Variants in ECHDC1 observed in about 807,000 individuals in gnomAD.
ECHDC1 encodes ethylmalonyl-CoA decarboxylase 1.
Under a neutral mutation model 29.7 loss-of-function variants are expected in ECHDC1, and 29 were observed. The observed-to-expected ratio is 0.98, with a 90% CI of 0.73 to 1.33. ECHDC1 has a LOEUF of 1.33. Ranked by LOEUF, ECHDC1 falls within the 40% of genes most tolerant of loss-of-function variation. ECHDC1 has a pLI of 0.00. For synonymous variants in ECHDC1, 126 were observed against 123.1 expected (o/e 1.02, Z -0.15); for missense variants, 328 against 350.0 (o/e 0.94, Z 0.50).
chr6:127,316,087 T>G (rs568833027), intron 4 of ECHDC1: 6 of 471,776 alleles, frequency 1.3e-5, no homozygotes, highest in Admixed American at 7.0e-5. Context: ...TTCTACTAAT[T>G]TGGAATATTA....
intron 3 of ECHDC1, among the ~76,000 whole-genome samples, chr6:127,322,108 C>A (rs956233860): frequency 6.6e-6 from 1 of 152,060 alleles, no homozygotes; most frequent in Non-Finnish European, 1.5e-5. Context: ...GAGTTTGAGA[C>A]CAGCCTGACC....
chr6:127,328,564 C>T (rs1011687968), intron 2 of ECHDC1, among the ~76,000 whole-genome samples: 3 of 152,200 alleles, frequency 2.0e-5, no homozygotes, highest in Non-Finnish European at 4.4e-5. Context: ...AATGACTGCA[C>T]TTAAAACTGT....
intron 5 of ECHDC1, chr6:127,313,611 A>G (rs1306962842): frequency 2.2e-6 from 1 of 455,984 alleles, no homozygotes; most frequent in East Asian, 6.9e-5. Context: ...AAAGTTTACT[A>G]GAAGTCTTCT....
At chr6:127,326,779 T>C in intron 3 of ECHDC1, 1 of 482,960 alleles carries the variant, frequency 2.1e-6, no homozygotes, top group Non-Finnish European at 3.7e-6. Context: ...TCAAAGCTTT[T>C]AACAAGAGCC....
intron 5 of ECHDC1, among the ~76,000 whole-genome samples, chr6:127,296,765 A>T (rs1168616732): frequency 6.6e-6 from 1 of 152,142 alleles, no homozygotes; most frequent in African/African-American, 2.4e-5. Flanking sequence ...CAATCCCAGC[A>T]CTTTGGGAGG....
chr6:127,297,988 T>C (rs1319338468), intron 5 of ECHDC1, among the ~76,000 whole-genome samples: 2 of 152,034 alleles, frequency 1.3e-5, no homozygotes, highest in Admixed American at 1.3e-4. Flanking sequence ...AACGAGACCA[T>C]TCACCCCAGA....
chr6:127,314,752 G>T, intron 5 of ECHDC1, 64 bp downstream of exon 5: 1 of 1,304,090 alleles, frequency 7.7e-7, no homozygotes, highest in Non-Finnish European at 1.1e-6. Context: ...TGATATTAAG[G>T]CAAAAATGAA....
At chr6:127,318,765 A>C (rs959362762) in intron 3 of ECHDC1, among the ~76,000 whole-genome samples, 1 of 152,234 alleles carries the variant, frequency 6.6e-6, no homozygotes, top group Non-Finnish European at 1.5e-5. Flanking sequence ...TAAAAAAATT[A>C]GATGAATTTT....
chr6:127,331,300 C>T (rs1783922150), intron 1 of ECHDC1, among the ~76,000 whole-genome samples: 1 of 152,054 alleles, frequency 6.6e-6, no homozygotes. Flanking sequence ...CACCCATGAC[C>T]ACGCCTGGCT....
intron 3 of ECHDC1, chr6:127,318,039 T>C (rs184797652): frequency 6.6e-6 from 1 of 152,320 alleles, no homozygotes; most frequent in East Asian, 1.9e-4. Flanking sequence ...TAATCTTCCA[T>C]CCTGCTACCT....
chr6:127,324,035 C>T (rs1783078239), intron 3 of ECHDC1, among the ~76,000 whole-genome samples: 1 of 152,118 alleles, frequency 6.6e-6, no homozygotes, highest in Non-Finnish European at 1.5e-5. Flanking sequence ...TGCTAAAGAG[C>T]TTCCACTTAA....
chr6:127,306,505 T>A (rs1209615454), intron 5 of ECHDC1, among the ~76,000 whole-genome samples: 2 of 152,174 alleles, frequency 1.3e-5, no homozygotes, highest in Non-Finnish European at 2.9e-5. Flanking sequence ...TGATAGTGAA[T>A]GAGTTCTCAT....
intron 3 of ECHDC1, among the ~76,000 whole-genome samples, chr6:127,320,005 G>A (rs183312572): frequency 6.6e-6 from 1 of 152,202 alleles, no homozygotes; most frequent in East Asian, 1.9e-4. Context: ...ATACATGGAA[G>A]AGCTTAGAGA....
intron 1 of ECHDC1, among the ~76,000 whole-genome samples, chr6:127,339,300 G>A (rs1784710078): frequency 6.7e-6 from 1 of 149,086 alleles, no homozygotes; most frequent in South Asian, 2.2e-4. Context: ...ATAAGCTGTA[G>A]CATTTTAGGG....
intron 5 of ECHDC1, among the ~76,000 whole-genome samples, chr6:127,314,106 A>G (rs775932656): frequency 2.0e-5 from 3 of 152,198 alleles, no homozygotes; most frequent in Non-Finnish European, 2.9e-5. Context: ...TGCATTATAA[A>G]GAGGCTCCAG....
rs929464610 is a variant in ECHDC1 at position 127,289,169 on chromosome 6, C to T, written c.*700G>A. On this transcript the variant is annotated 3_prime_UTR_variant, in exon 6 of 6. Coordinates refer to ENST00000454859, the MANE Select transcript of ECHDC1 (RefSeq NM_001002030.2). ...AGTCCCTTCAAGTGGTTTAAAACTA[C>T]ATCAACAGTAGTTGTTTATTACTAG... is the stretch of plus-strand genomic sequence containing the variant. 2.0e-4 allele frequency: 30 copies of T among 152,044 alleles called. No homozygotes were observed. Among genetic ancestry groups the T allele is most frequent in the African/African-American group, 7.0e-4 (29 of 41,420 alleles). The allele number at this position is 152,044 out of a possible 1,614,324, so 9.4% of individuals were successfully genotyped here.
chr6:127,322,254 C>T (rs1049514858), intron 3 of ECHDC1, among the ~76,000 whole-genome samples: 6 of 152,064 alleles, frequency 3.9e-5, no homozygotes, highest in Non-Finnish European at 8.8e-5. Flanking sequence ...TGCAGTGAGT[C>T]GAGATCGCTG....
chr6:127,289,669 C>T lies in ECHDC1; in HGVS notation c.*200G>A, dbSNP rs1018792800. 26 of 514,518 alleles carry T rather than the reference C, an allele frequency of 5.1e-5. No individual in the cohort carries two copies. The highest frequency in any genetic ancestry group is 6.6e-5 in the Non-Finnish European group (20 of 304,636). 31.9% of individuals were successfully genotyped at this position (514,518 alleles called of 1,614,324 possible). A position where few individuals can be genotyped will look rare whatever the true frequency, so the allele number is the denominator to read the frequency against. On this transcript the variant is annotated 3_prime_UTR_variant, in exon 6 of 6. Transcript: ENST00000454859. ...AAGTGTATATTTTAGCTAAATGTTC[C>T]AGATTACGCAGTAAATACCCAAGTG... is the stretch of plus-strand genomic sequence containing the variant.
At chr6:127,330,164 C>T (rs1783795369) in intron 2 of ECHDC1, among the ~76,000 whole-genome samples, 1 of 152,138 alleles carries the variant, frequency 6.6e-6, no homozygotes, top group Non-Finnish European at 1.5e-5. Context: ...ACAGTGGTAG[C>T]GTAGTTCAAA....
Sources: gnomAD v4.1 joint callset for allele counts (sites outside exome capture counted in the v4.1 genomes callset) on GRCh38, gnomAD v4.1.1 for gene constraint, MANE v1.5 for transcripts, NCBI Gene and HGNC (gene_info 2026-07-23, HGNC 2026-07-21) for gene names.